LMX1A: variants seen among roughly 807,000 people sequenced by gnomAD.
LMX1A encodes LIM homeobox transcription factor 1-alpha.
Under a neutral mutation model 49.1 loss-of-function variants are expected in LMX1A, and 15 were observed. The observed-to-expected ratio is 0.31, with a 90% CI of 0.20 to 0.47. The LOEUF (loss-of-function observed/expected upper bound fraction) is 0.47, where lower values mean the gene tolerates loss of function less well. LMX1A is among the 20% of genes least tolerant of loss of function. The pLI, the probability that LMX1A is intolerant of heterozygous loss-of-function variation, is 1.00. For missense variants in LMX1A, 372 were observed against 475.8 expected (o/e 0.78, Z 2.03); for synonymous variants, 167 against 185.7 (o/e 0.90, Z 0.82).
At chr1:165,231,673 G>GAACTCTAGTTAACTCTAGTTAACA (rs1652246063) in intron 4 of LMX1A, among the ~76,000 whole-genome samples, 1 of 152,044 alleles carries the variant, frequency 6.6e-6, no homozygotes, top group Admixed American at 6.6e-5. Context: ...TAGTTAACTT[G>GAACTCTAGTTAACTCTAGTTAACA]GTTCCCATGA....
chr1:165,218,392 A>G (rs953064875), intron 4 of LMX1A: 1 of 152,310 alleles, frequency 6.6e-6, no homozygotes, highest in African/African-American at 2.4e-5. Flanking sequence ...GGAGGAACAG[A>G]GGAACCTTTT....
chr1:165,306,494 C>T (rs1452081644), intron 3 of LMX1A, among the ~76,000 whole-genome samples: 2 of 152,196 alleles, frequency 1.3e-5, no homozygotes, highest in Admixed American at 6.5e-5. Flanking sequence ...AACAAAGTTG[C>T]CCCTGCCCAC....
intron 3 of LMX1A, among the ~76,000 whole-genome samples, chr1:165,325,918 C>G (rs1326366558): frequency 6.6e-6 from 1 of 152,120 alleles, no homozygotes; most frequent in Non-Finnish European, 1.5e-5. Flanking sequence ...CTGCAGCTAC[C>G]CTAAGACCCT....
chr1:165,210,809 C>T, intron 5 of LMX1A, 33 bp from the exon 6 acceptor site: 2 of 1,536,264 alleles, frequency 1.3e-6, no homozygotes, highest in African/African-American at 1.4e-5. Context: ...TGTAGACACA[C>T]TGGCATCTCA....
At chr1:165,221,840 T>C (rs1651858238) in intron 4 of LMX1A, among the ~76,000 whole-genome samples, 1 of 151,972 alleles carries the variant, frequency 6.6e-6, no homozygotes, top group South Asian at 2.1e-4. Context: ...TGGATTTGCA[T>C]CAGTTTCAGG....
chr1:165,253,973 G>T (rs1259741180), intron 3 of LMX1A, among the ~76,000 whole-genome samples: 3 of 152,038 alleles, frequency 2.0e-5, no homozygotes, highest in Non-Finnish European at 2.9e-5. Context: ...GTTCATCCCT[G>T]GGCCCCAAGT....
chr1:165,212,969 G>A (rs901277682), intron 5 of LMX1A: 2 of 152,262 alleles, frequency 1.3e-5, no homozygotes, highest in African/African-American at 4.8e-5. Flanking sequence ...CTGGTGACTG[G>A]AAACATGGTG....
chr1:165,337,501 G>A (rs1655931581), intron 3 of LMX1A, among the ~76,000 whole-genome samples: 1 of 152,166 alleles, frequency 6.6e-6, no homozygotes, highest in South Asian at 2.1e-4. Context: ...GCCTCTCCAT[G>A]CTAAGTGACT....
In LMX1A at chr1:165,202,072, A is replaced by G. The variant is rs1650866622; in HGVS notation, c.*1808T>C. The stretch of plus-strand genomic sequence containing the variant: ...GTGGTTTGCATAAATTATAAACAAG[A>G]GCACAAAAATCACACAACATAGACT... On this transcript the variant is annotated 3_prime_UTR_variant, in exon 9 of 9. Coordinates refer to ENST00000342310, the MANE Select transcript of LMX1A (RefSeq NM_177398.4). The G allele has an allele frequency of 1.3e-5, 2 of 152,446 alleles. No individual in the cohort carries two copies. The highest frequency in any genetic ancestry group is 1.3e-4 in the Admixed American group (2 of 15,264). 9.4% of individuals were successfully genotyped at this position (152,446 alleles called of 1,614,324 possible). A position where few individuals can be genotyped will look rare whatever the true frequency, so the allele number is the denominator to read the frequency against.
intron 4 of LMX1A, chr1:165,216,283 T>C (rs981865230): frequency 6.6e-6 from 1 of 151,774 alleles, no homozygotes; most frequent in Non-Finnish European, 1.5e-5. Context: ...GGATAAAAGG[T>C]AGAAAAAAGA....
In LMX1A at chr1:165,355,470, G is replaced by A. The variant is rs199904112; in HGVS notation, c.76+14C>T. 8.1e-6 allele frequency: 13 copies of A among 1,613,072 alleles called. No individual in the cohort carries two copies. The Admixed American group carries it at 1.8e-4, about 23-fold the overall frequency. ...AAAGAGAGTGCGCCCAGGACGCACG[G>A]CCTGAACACTCACCCAGCAGCGAGG... On this transcript the variant is annotated intron_variant, in intron 2 of 8. Transcript: ENST00000342310. This position sits in a 1 kb window ranked among gnomAD's most constrained non-coding sequence, Gnocchi z 4.7.
chr1:165,248,226 A>G (rs371680457), intron 4 of LMX1A, among the ~76,000 whole-genome samples: 7 of 152,136 alleles, frequency 4.6e-5, no homozygotes, highest in African/African-American at 1.7e-4. Context: ...AAAGGAATAG[A>G]CTTTTAAGAT....
At chr1:165,295,556 T>A (rs554716317) in intron 3 of LMX1A, among the ~76,000 whole-genome samples, 2 of 151,678 alleles carry the variant, frequency 1.3e-5, no homozygotes, top group African/African-American at 4.8e-5. Flanking sequence ...AGATATAAGA[T>A]CCCAGCCTTC....
rs138995145 is a variant in LMX1A at position 165,336,646 on chromosome 1, C to G, written c.263+16430G>C. ...CCTACTCCAACCCCTCCACCTACACCGTTGCCATCTCAGTACAGGGCATCA... is the reference window on the plus strand; with the variant it reads ...CCTACTCCAACCCCTCCACCTACACGGTTGCCATCTCAGTACAGGGCATCA... On this transcript the variant is annotated intron_variant, in intron 3 of 8. Transcript: ENST00000342310. 6.6e-5 allele frequency among the ~76,000 whole-genome samples: 10 copies of G among 152,290 alleles called. 1 individual carries two copies. Among genetic ancestry groups the G allele is most frequent in the African/African-American group, 2.4e-4 (10 of 41,558 alleles).
intron 4 of LMX1A, among the ~76,000 whole-genome samples, chr1:165,222,333 A>G (rs1452249017): frequency 6.6e-6 from 1 of 152,184 alleles, no homozygotes; most frequent in Non-Finnish European, 1.5e-5. Flanking sequence ...ATGGTTCACT[A>G]GGCTTGGAGT....
At chr1:165,325,330 G>T (rs2101747463) in intron 3 of LMX1A, among the ~76,000 whole-genome samples, 1 of 152,104 alleles carries the variant, frequency 6.6e-6, no homozygotes, top group South Asian at 2.1e-4. Context: ...CCATTCTATT[G>T]TTTTTATTTT....
chr1:165,285,634 A>G (rs966833236), intron 3 of LMX1A, among the ~76,000 whole-genome samples: 4 of 152,158 alleles, frequency 2.6e-5, no homozygotes, highest in Admixed American at 1.3e-4. Context: ...CACCATCTCC[A>G]CTGAGGAACA....
At chr1:165,279,981 A>C (rs2101704821) in intron 3 of LMX1A, among the ~76,000 whole-genome samples, 1 of 152,226 alleles carries the variant, frequency 6.6e-6, no homozygotes, top group African/African-American at 2.4e-5. Context: ...GGAGTACCAG[A>C]GAGCCTGCAG....
At chr1:165,344,988 C>T (rs1335371323) in intron 3 of LMX1A, among the ~76,000 whole-genome samples, 1 of 152,190 alleles carries the variant, frequency 6.6e-6, no homozygotes, top group Non-Finnish European at 1.5e-5. Context: ...TTCGGACCCT[C>T]CTGCAGAGAC....
Sources: gnomAD v4.1 joint callset for allele counts (sites outside exome capture counted in the v4.1 genomes callset) on GRCh38, gnomAD v4.1.1 for gene constraint, Gnocchi (gnomAD v3.1) non-coding constraint, MANE v1.5 for transcripts, NCBI Gene and HGNC (gene_info 2026-07-23, HGNC 2026-07-21) for gene names.